The following MYO16 variants were observed in gnomAD, a reference collection of about 807,000 sequenced individuals.
MYO16 encodes unconventional myosin-XVI.
In MYO16, 94 loss-of-function variants were observed where a neutral mutation model predicts 205.3. The observed-to-expected ratio is 0.46, with a 90% CI of 0.39 to 0.54. The LOEUF (loss-of-function observed/expected upper bound fraction) is 0.54, where lower values mean the gene tolerates loss of function less well. Among genes scored for constraint, MYO16 ranks in the 20% least tolerant of loss-of-function variants. The pLI, the probability that MYO16 is intolerant of heterozygous loss-of-function variation, is 0.00. For synonymous variants in MYO16, 988 were observed against 954.0 expected, an observed-to-expected ratio of 1.04 and a Z score of -0.66; for missense variants, 2,315 against 2,387.5, an observed-to-expected ratio of 0.97 and a Z score of 0.63.
At chr13:109,054,811 A>G (rs1345675913) in intron 25 of MYO16, among the ~76,000 whole-genome samples, 6 of 152,044 alleles carry the variant, frequency 3.9e-5, no homozygotes, top group Non-Finnish European at 1.5e-5. Context: ...GTGAGACTTA[A>G]TATTTTGCTC....
In MYO16 at chr13:109,140,599, G is replaced by C. The variant is rs973095555; in HGVS notation, c.4387G>C (p.Asp1463His). The C allele has an allele frequency of 6.6e-7, 1 of 1,521,158 alleles. No homozygotes were observed. The highest frequency in any genetic ancestry group is 8.8e-7 in the Non-Finnish European group (1 of 1,140,620). The allele number at this position is 1,521,158 out of a possible 1,614,324, so 94.2% of individuals were successfully genotyped here. Residue 1463 changes from aspartate to histidine, a missense_variant, in exon 32 of 35, where the codon GAC becomes CAC. Physicochemically the swap from Asp to His is moderately conservative, Grantham distance 81. Around this residue, in one of 3 missense-constraint regions of MYO16, gnomAD observed 1,097 missense variants for 1,092.0 expected, o/e 1.00. Transcript: ENST00000457511. The surrounding 1 kb of genome is among the most constrained non-coding windows in gnomAD (Gnocchi z 8.0). ...VYEEMKCCLPDDGGPGAGSFL... is the reference protein window; with the variant it reads ...VYEEMKCCLPHDGGPGAGSFL... ...CGAGGAGATGAAGTGTTGCCTGCCC[G>C]ACGACGGCGGCCCGGGCGCGGGCTC...
At chr13:109,003,192 A>G (rs892370081) in intron 21 of MYO16, among the ~76,000 whole-genome samples, 1 of 152,210 alleles carries the variant, frequency 6.6e-6, no homozygotes, top group African/African-American at 2.4e-5. Flanking sequence ...AAACACAAAT[A>G]TAGATTTAGT....
At chr13:108,646,601 C>T (rs920835554) in intron 1 of MYO16, among the ~76,000 whole-genome samples, 3 of 152,160 alleles carry the variant, frequency 2.0e-5, no homozygotes, top group African/African-American at 7.2e-5. Context: ...TGAAATCTAA[C>T]TTGACCTTCT....
At chr13:109,175,212 G>A (rs1879113086) in intron 33 of MYO16, among the ~76,000 whole-genome samples, 1 of 152,204 alleles carries the variant, frequency 6.6e-6, no homozygotes, top group South Asian at 2.1e-4. Flanking sequence ...TGTCCTAAAA[G>A]CCATTCCTCT....
chr13:108,804,944 G>C (rs924341833), intron 6 of MYO16, among the ~76,000 whole-genome samples: 6 of 152,148 alleles, frequency 3.9e-5, no homozygotes. Context: ...TAATCCTGCA[G>C]GGATTGGCCC....
chr13:108,977,281 G>A (rs1884298518), intron 20 of MYO16, among the ~76,000 whole-genome samples: 1 of 152,092 alleles, frequency 6.6e-6, no homozygotes, highest in Non-Finnish European at 1.5e-5. Context: ...CACTATTGGT[G>A]GACACTGAAG....
intron 31 of MYO16, among the ~76,000 whole-genome samples, chr13:109,137,165 A>G (rs546243050): frequency 2.2e-4 from 34 of 152,286 alleles, no homozygotes; most frequent in African/African-American, 7.7e-4. Context: ...TGCCCACAGC[A>G]TGGCTGCTTC....
At chr13:108,821,258 C>T (rs961974145) in intron 8 of MYO16, among the ~76,000 whole-genome samples, 8 of 151,980 alleles carry the variant, frequency 5.3e-5, no homozygotes, top group African/African-American at 1.9e-4. Flanking sequence ...TAATAAATCT[C>T]CAGTTAAAGC....
intron 12 of MYO16, among the ~76,000 whole-genome samples, chr13:108,881,767 A>G (rs1879630220): frequency 6.6e-6 from 1 of 152,204 alleles, no homozygotes; most frequent in African/African-American, 2.4e-5. Flanking sequence ...AAAGAAATGA[A>G]CAAAGCCTCC....
intron 2 of MYO16, among the ~76,000 whole-genome samples, chr13:108,677,331 G>GTATATATATATATA (rs1566544758): frequency 7.9e-6 from 1 of 126,594 alleles, no homozygotes; most frequent in African/African-American, 3.1e-5. Context: ...GTGTGTGTGT[G>GTATATATATATATA]TGTGTATATA....
At chr13:108,905,911 GGC>G (rs1880949553) in intron 15 of MYO16, among the ~76,000 whole-genome samples, 1 of 152,158 alleles carries the variant, frequency 6.6e-6, no homozygotes, top group South Asian at 2.1e-4. Context: ...AAGCTCAAAA[GGC>G]AGATATTTGC....
At chr13:109,071,515 A>G (rs550616060) in intron 27 of MYO16, among the ~76,000 whole-genome samples, 1 of 152,286 alleles carries the variant, frequency 6.6e-6, no homozygotes, top group Non-Finnish European at 1.5e-5. Flanking sequence ...GATCATTATG[A>G]CACTAAAAAT....
At chr13:108,722,017 A>T (rs115696881) in intron 3 of MYO16, among the ~76,000 whole-genome samples, 3 of 152,204 alleles carry the variant, frequency 2.0e-5, no homozygotes, top group South Asian at 4.1e-4. Context: ...GCTTGATTTC[A>T]CCCTCTGATA....
At chr13:108,917,775 A>G (rs1881563051) in intron 16 of MYO16, among the ~76,000 whole-genome samples, 1 of 152,254 alleles carries the variant, frequency 6.6e-6, no homozygotes, top group African/African-American at 2.4e-5. Context: ...TCAGACTTCT[A>G]CATTACTTTT....
chr13:108,696,137 G>A (rs1438715736), intron 2 of MYO16, among the ~76,000 whole-genome samples: 2 of 152,192 alleles, frequency 1.3e-5, no homozygotes, highest in African/African-American at 2.4e-5. Context: ...TGTATTGCTG[G>A]TGGGAGTATA....
the MYO16 span, among the ~76,000 whole-genome samples, chr13:108,550,728 CTT>C: frequency 6.6e-6 from 1 of 152,290 alleles, no homozygotes; most frequent in South Asian, 2.1e-4. Flanking sequence ...CTATCCCTCT[CTT>C]TTGGAAAAAA....
chr13:108,909,237 A>G (rs1478867104), intron 15 of MYO16, among the ~76,000 whole-genome samples: 1 of 152,014 alleles, frequency 6.6e-6, no homozygotes, highest in Non-Finnish European at 1.5e-5. Context: ...ACTACTATCA[A>G]ATAAATTTCA....
intron 28 of MYO16, among the ~76,000 whole-genome samples, chr13:109,111,949 G>A (rs1272699523): frequency 2.0e-5 from 3 of 152,122 alleles, no homozygotes; most frequent in African/African-American, 7.2e-5. Flanking sequence ...GCCTCCCAAA[G>A]TGCTGGGATT....
intron 16 of MYO16, among the ~76,000 whole-genome samples, chr13:108,953,916 C>T (rs1418614172): frequency 2.0e-5 from 3 of 152,128 alleles, no homozygotes; most frequent in African/African-American, 7.2e-5. Flanking sequence ...GGAAAATGCT[C>T]ACAACCAAGC....
Sources: gnomAD v4.1 joint callset for allele counts (sites outside exome capture counted in the v4.1 genomes callset) on GRCh38, gnomAD v4.1.1 for gene constraint, gnomAD v4.1.1 regional missense constraint, Gnocchi (gnomAD v3.1) non-coding constraint, MANE v1.5 for transcripts, NCBI Gene and HGNC (gene_info 2026-07-23, HGNC 2026-07-21) for gene names.